The following TMEM165 variants were observed in gnomAD, a reference collection of about 807,000 sequenced individuals.
TMEM165 encodes the protein transmembrane protein 165, also known as putative divalent cation/proton antiporter TMEM165.
A neutral mutation model predicts 30.0 loss-of-function variants in TMEM165; 19 were observed. That is an observed-to-expected ratio of 0.63 (90% confidence interval 0.44 to 0.93). The LOEUF is 0.93. Among genes scored for constraint, TMEM165 ranks in the 40% least tolerant of loss-of-function variants. The pLI, the probability that TMEM165 is intolerant of heterozygous loss-of-function variation, is 0.00. For missense variants in TMEM165, 340 were observed against 417.0 expected, an observed-to-expected ratio of 0.82 and a Z score of 1.61; for synonymous variants, 168 against 162.9, an observed-to-expected ratio of 1.03 and a Z score of -0.24.
chr4:55,451,398 C>T lies in TMEM165; in HGVS notation c.409-841C>T, dbSNP rs367653631. Among the ~76,000 whole-genome samples, 247 of 152,290 alleles carry T rather than the reference C, an allele frequency of 1.6e-3. 2 individuals are homozygous for T. Among genetic ancestry groups the T allele is most frequent in the Middle Eastern group, 0.01 (3 of 294 alleles). On this transcript the variant is annotated intron_variant, in intron 3 of 3. Coordinates refer to the TMEM165 transcript ENST00000608091. ...TTCCTAACTTACTAGCTATTACCCC[C>T]CTGTTGTTGATTCTTCCTTGTCTCC...
intron 1 of TMEM165, chr4:55,398,886 AAACAAC>A (rs200573449): frequency 8.5e-6 from 1 of 117,514 alleles, no homozygotes; most frequent in Non-Finnish European, 1.9e-5. Flanking sequence ...AAAAAAAAAA[AAACAAC>A]AACCCGATTT....
chr4:55,445,001 G>A (rs2109703567), intron 3 of TMEM165, among the ~76,000 whole-genome samples: 1 of 152,290 alleles, frequency 6.6e-6, no homozygotes, highest in South Asian at 2.1e-4. Flanking sequence ...CAGGCACAAA[G>A]TTATCCACAT....
At chr4:55,407,585 C>T (rs1180501582) in intron 1 of TMEM165, among the ~76,000 whole-genome samples, 1 of 152,156 alleles carries the variant, frequency 6.6e-6, no homozygotes, top group East Asian at 1.9e-4. Context: ...ATTATGTGGC[C>T]TACCTTTGTG....
At chr4:55,414,687 T>C (rs1449071657) in intron 2 of TMEM165, among the ~76,000 whole-genome samples, 1 of 152,246 alleles carries the variant, frequency 6.6e-6, no homozygotes, top group Non-Finnish European at 1.5e-5. Flanking sequence ...TTATTTATTA[T>C]CTTTTTAGTC....
At chr4:55,396,522 C>T (rs1034715701) in intron 1 of TMEM165, 126 bp downstream of exon 1, 19 of 814,340 alleles carry the variant, frequency 2.3e-5, no homozygotes, top group African/African-American at 7.3e-5. Context: ...GCCCCTGCTC[C>T]CGGGGTGGAG....
intron 4 of TMEM165, among the ~76,000 whole-genome samples, chr4:55,421,116 G>A (rs1197772071): frequency 1.4e-5 from 2 of 138,868 alleles, no homozygotes; most frequent in Non-Finnish European, 3.0e-5. Flanking sequence ...CGGGTGAGCC[G>A]AGATCGCGCC....
chr4:55,446,339 A>T (rs1319167864), intron 3 of TMEM165, among the ~76,000 whole-genome samples: 2 of 151,800 alleles, frequency 1.3e-5, no homozygotes, highest in African/African-American at 4.8e-5. Context: ...TCCTCCCACA[A>T]GCCACCATGC....
exon 4 of TMEM165, chr4:55,452,776 T>C (rs1432728640): frequency 4.1e-6 from 1 of 243,884 alleles, no homozygotes; most frequent in Non-Finnish European, 7.9e-6. Flanking sequence ...GTAAATTATA[T>C]TTCATAATTC....
chr4:55,435,290 C>G, intron 3 of TMEM165: 2 of 1,136,208 alleles, frequency 1.8e-6, no homozygotes, highest in African/African-American at 3.0e-5. Flanking sequence ...ATTCCAGGAA[C>G]TAGAACACTC....
At chr4:55,438,421 A>G in intron 3 of TMEM165, 3 of 1,613,918 alleles carry the variant, frequency 1.9e-6, no homozygotes, top group African/African-American at 1.3e-5. Context: ...TTGTGTAGCA[A>G]AAGTAGGATA....
chr4:55,440,966 A>G (rs1392196217), intron 3 of TMEM165, among the ~76,000 whole-genome samples: 1 of 151,806 alleles, frequency 6.6e-6, no homozygotes, highest in Non-Finnish European at 1.5e-5. Context: ...AACTGCTTAC[A>G]AAAACAAAAC....
At chr4:55,400,287 AT>A (rs1213798590) in intron 1 of TMEM165, among the ~76,000 whole-genome samples, 1 of 97,964 alleles carries the variant, frequency 1.0e-5, no homozygotes, top group African/African-American at 5.4e-5. Context: ...AATATTATAT[AT>A]TATATATAAT....
chr4:55,434,851 T>C (rs1411670380), intron 3 of TMEM165: 1 of 158,264 alleles, frequency 6.3e-6, no homozygotes. Context: ...TATCTAGACA[T>C]ATACATATTT....
chr4:55,403,700 ATATAACAC>A, intron 1 of TMEM165, among the ~76,000 whole-genome samples: 1 of 152,348 alleles, frequency 6.6e-6, no homozygotes, highest in East Asian at 1.9e-4. Flanking sequence ...TTACCATGAT[ATATAACAC>A]TGTATAACTG....
chr4:55,452,837 T>C, exon 4 of TMEM165: 1 of 431,962 alleles, frequency 2.3e-6, no homozygotes, highest in Non-Finnish European at 4.2e-6. Context: ...TAAATGGTAG[T>C]TTTGAGATCA....
chr4:55,403,032 C>T (rs1025161813), intron 1 of TMEM165, among the ~76,000 whole-genome samples: 3 of 151,794 alleles, frequency 2.0e-5, no homozygotes, highest in Non-Finnish European at 4.4e-5. Context: ...CCTCGTGATC[C>T]GCCCGCCTGG....
intron 1 of TMEM165, among the ~76,000 whole-genome samples, chr4:55,396,854 C>T (rs1054114044): frequency 6.6e-6 from 1 of 152,078 alleles, no homozygotes; most frequent in African/African-American, 2.4e-5. Context: ...TGCTTTTTGC[C>T]AAATATGGAT....
intron 2 of TMEM165, chr4:55,415,783 G>C (rs1414900533): frequency 6.6e-6 from 1 of 152,038 alleles, no homozygotes; most frequent in Non-Finnish European, 1.5e-5. Flanking sequence ...TACATTTACA[G>C]GCAGATTTGT....
exon 4 of TMEM165, chr4:55,453,046 A>C: frequency 6.3e-7 from 1 of 1,596,330 alleles, no homozygotes; most frequent in Non-Finnish European, 8.6e-7. Context: ...TAATTATAAG[A>C]AACATACTTT....
Sources: allele counts gnomAD v4.1 joint callset (sites outside exome capture counted in the v4.1 genomes callset), GRCh38; gene constraint gnomAD v4.1.1; transcripts MANE v1.5; gene names NCBI Gene and HGNC (gene_info 2026-07-23, HGNC 2026-07-21).